EIF4G3: variants seen among roughly 807,000 people sequenced by gnomAD.
EIF4G3 encodes eukaryotic translation initiation factor 4 gamma 3.
A neutral mutation model predicts 186.4 loss-of-function variants in EIF4G3; 34 were observed. The ratio of observed to expected loss-of-function variants is 0.18; its 90% CI spans 0.14 to 0.24. The LOEUF (loss-of-function observed/expected upper bound fraction) is 0.24, where lower values mean the gene tolerates loss of function less well. Ranked by LOEUF, EIF4G3 falls within the 10% of genes least tolerant of loss-of-function variation. The probability of loss-of-function intolerance (pLI) is 1.00; values close to 1 mark genes in which losing one functional copy is unlikely to be tolerated. For missense variants in EIF4G3, 1,536 were observed against 1,948.5 expected (o/e 0.79, Z 3.99); for synonymous variants, 673 against 679.5 (o/e 0.99, Z 0.15).
chr1:21,122,535 T>G (rs2096944239), intron 2 of EIF4G3, among the ~76,000 whole-genome samples: 2 of 152,246 alleles, frequency 1.3e-5, no homozygotes, highest in African/African-American at 4.8e-5. Context: ...TTAAACCGGA[T>G]GCTTTTTAAA....
At chr1:20,948,970 C>CAAAA (rs34585901) in intron 13 of EIF4G3, among the ~76,000 whole-genome samples, 5 of 51,478 alleles carry the variant, frequency 9.7e-5, no homozygotes, top group East Asian at 5.1e-4. Flanking sequence ...GACTCTGTCT[C>CAAAA]AAAAAAAAAA....
intron 2 of EIF4G3, among the ~76,000 whole-genome samples, chr1:21,124,018 T>C (rs568408368): frequency 5.1e-4 from 78 of 152,180 alleles, no homozygotes; most frequent in Non-Finnish European, 8.7e-4. Flanking sequence ...AGGCCAGGCA[T>C]GGTGGCTCAC....
chr1:20,811,629 T>A (rs2059260597), intron 35 of EIF4G3, among the ~76,000 whole-genome samples: 1 of 152,192 alleles, frequency 6.6e-6, no homozygotes, highest in Non-Finnish European at 1.5e-5. Flanking sequence ...AATGAAACAG[T>A]GACTGTGGTT....
chr1:20,867,934 T>A (rs1026374391), intron 20 of EIF4G3, among the ~76,000 whole-genome samples: 4 of 152,068 alleles, frequency 2.6e-5, no homozygotes, highest in Non-Finnish European at 5.9e-5. Context: ...CAAAAATGTA[T>A]CTCTGAATGA....
chr1:21,176,629 G>A (rs1011121493), intron 1 of EIF4G3, 93 bp downstream of exon 1: 8 of 275,396 alleles, frequency 2.9e-5, no homozygotes, highest in African/African-American at 1.3e-4. Context: ...CAGCCGCCCC[G>A]CGGGCCAGCA....
At chr1:21,029,335 T>C (rs1328876641) in intron 4 of EIF4G3, among the ~76,000 whole-genome samples, 1 of 152,018 alleles carries the variant, frequency 6.6e-6, no homozygotes, top group Non-Finnish European at 1.5e-5. Context: ...CATAAAGTTT[T>C]AATTAGACTC....
chr1:20,965,116 C>T (rs542325031), intron 12 of EIF4G3, among the ~76,000 whole-genome samples: 7 of 152,224 alleles, frequency 4.6e-5, no homozygotes, highest in African/African-American at 1.4e-4. Flanking sequence ...ACAAACACAC[C>T]CAAACATAAC....
At chr1:21,085,101 A>G (rs2095917985) in intron 3 of EIF4G3, among the ~76,000 whole-genome samples, 1 of 151,620 alleles carries the variant, frequency 6.6e-6, no homozygotes, top group East Asian at 1.9e-4. Flanking sequence ...GATACGAGAT[A>G]AAGGGACAGA....
chr1:21,161,615 T>G (rs1310038257), intron 2 of EIF4G3: 1 of 152,346 alleles, frequency 6.6e-6, no homozygotes, highest in African/African-American at 2.4e-5. Context: ...CAGCAGTAGC[T>G]GCTGGGTCAG....
chr1:21,053,173 G>A (rs2094349240), intron 3 of EIF4G3, among the ~76,000 whole-genome samples: 1 of 151,772 alleles, frequency 6.6e-6, no homozygotes, highest in Non-Finnish European at 1.5e-5. Flanking sequence ...CTGAGATGTG[G>A]GGAGCACCTC....
intron 2 of EIF4G3, among the ~76,000 whole-genome samples, chr1:21,132,177 T>C (rs752011673): frequency 1.3e-5 from 2 of 152,160 alleles, no homozygotes; most frequent in East Asian, 3.8e-4. Context: ...ATATTTGTCC[T>C]TGAAATGAGG....
intron 2 of EIF4G3, among the ~76,000 whole-genome samples, chr1:21,122,170 G>T (rs2096937217): frequency 6.6e-6 from 1 of 152,170 alleles, no homozygotes; most frequent in South Asian, 2.1e-4. Context: ...GGATTAGAGA[G>T]AATTCTGCTT....
intron 14 of EIF4G3, among the ~76,000 whole-genome samples, chr1:20,920,347 TCA>T (rs549060801): frequency 7.7e-4 from 117 of 152,344 alleles, no homozygotes; most frequent in Non-Finnish European, 1.3e-3. Context: ...TATATTTTAT[TCA>T]CATTCTTTTT....
chr1:20,819,827 C>T (rs185274641), intron 33 of EIF4G3, among the ~76,000 whole-genome samples: 4 of 151,792 alleles, frequency 2.6e-5, no homozygotes, highest in Admixed American at 2.6e-4. Context: ...GTACCCCTGA[C>T]CTTAAAATAA....
chr1:20,896,662 C>T (rs2088244909), intron 16 of EIF4G3, among the ~76,000 whole-genome samples: 1 of 151,930 alleles, frequency 6.6e-6, no homozygotes, highest in Admixed American at 6.6e-5. Flanking sequence ...AAATCCACAC[C>T]AGCACACAGT....
At chr1:20,950,513 T>C (rs1322932164) in intron 12 of EIF4G3, among the ~76,000 whole-genome samples, 1 of 152,078 alleles carries the variant, frequency 6.6e-6, no homozygotes, top group Non-Finnish European at 1.5e-5. Context: ...ATGTATAAAT[T>C]ACCTAGCAAA....
rs969259395 is a variant in EIF4G3 at position 20,891,415 on chromosome 1, C to T, written c.2253+2102G>A. 5.9e-5 allele frequency among the ~76,000 whole-genome samples: 9 copies of T among 151,574 alleles called. No individual in the cohort carries two copies. In the South Asian group the frequency reaches 1.2e-3, roughly 21 times the overall value. On this transcript the variant is annotated intron_variant, in intron 18 of 36. Transcript: ENST00000602326. The stretch of plus-strand genomic sequence containing the variant: ...GGCAAAACAAAGATATAAACCAAAA[C>T]CAAAATGAACAGTAACACAAATAAA...
chr1:20,929,419 T>G (rs970075871), intron 14 of EIF4G3: 6 of 152,214 alleles, frequency 3.9e-5, no homozygotes, highest in Non-Finnish European at 7.3e-5. Flanking sequence ...CGGCCTATCC[T>G]AAGGGATTTT....
intron 3 of EIF4G3, among the ~76,000 whole-genome samples, chr1:21,067,136 T>C (rs577938487): frequency 8.7e-5 from 13 of 148,676 alleles, no homozygotes; most frequent in African/African-American, 1.7e-4. Context: ...CTTTTCTTTT[T>C]TTTTTTTTTT....
Sources: allele counts gnomAD v4.1 joint callset (sites outside exome capture counted in the v4.1 genomes callset), GRCh38; gene constraint gnomAD v4.1.1; transcripts MANE v1.5; gene names NCBI Gene and HGNC (gene_info 2026-07-23, HGNC 2026-07-21).